The following RGS12 variants were observed in gnomAD, a reference collection of about 807,000 sequenced individuals.
RGS12 encodes the protein regulator of G protein signaling 12.
In RGS12, 66 loss-of-function variants were observed where a neutral mutation model predicts 120.1. The ratio of observed to expected loss-of-function variants is 0.55; its 90% confidence interval spans 0.45 to 0.67. RGS12 has a LOEUF of 0.67. Ranked by LOEUF, RGS12 falls within the 30% of genes least tolerant of loss-of-function variation. The pLI is 0.00. For synonymous variants in RGS12, 827 were observed against 804.7 expected (o/e 1.03, Z -0.47); for missense variants, 1,859 against 1,957.7 (o/e 0.95, Z 0.95).
At position 3,390,783 on chromosome 4, in the gene RGS12, C is replaced by G. The variant is rs1007170345; in HGVS notation, c.2020+4346C>G. On this transcript the variant is annotated intron_variant, in intron 4 of 17. Coordinates refer to ENST00000336727, the MANE Select transcript of RGS12 (RefSeq NM_001394154.1). This position sits in a 1 kb window ranked among gnomAD's most constrained non-coding sequence, Gnocchi z 4.6. ...CCTTGTTAGCGAACAGGCACTGAGG[C>G]CTGGGGAGCTGTCACAAACGGCTGC... 2.0e-4 allele frequency among the ~76,000 whole-genome samples: 31 copies of G among 152,192 alleles called. No individual in the cohort carries two copies. Among genetic ancestry groups the G allele is most frequent in the Non-Finnish European group, 2.9e-4 (20 of 68,038 alleles).
At chr4:3,307,071 T>C (rs1724013065) in intron 1 of RGS12, among the ~76,000 whole-genome samples, 1 of 152,242 alleles carries the variant, frequency 6.6e-6, no homozygotes, top group Admixed American at 6.5e-5. Flanking sequence ...TTGTTGTTGA[T>C]GGATGTGGGG....
intron 4 of RGS12, among the ~76,000 whole-genome samples, chr4:3,397,260 C>G (rs955517246): frequency 2.0e-5 from 3 of 152,122 alleles, no homozygotes; most frequent in African/African-American, 7.2e-5. Flanking sequence ...CTCTGGGTGC[C>G]GAGGTGGGCT....
In RGS12 at chr4:3,316,323, C is replaced by T; in HGVS notation, c.153C>T (p.Ser51=). 7 of 1,614,160 alleles carry T rather than the reference C, an allele frequency of 4.3e-6. No homozygotes were observed. Among genetic ancestry groups the T allele is most frequent in the Non-Finnish European group, 5.9e-6 (7 of 1,180,032 alleles). Residue 51 remains serine (S), a synonymous_variant, in exon 2 of 18, where the codon AGC becomes AGT. Transcript: ENST00000336727. ...TGCTCAGCTGCGTCATGAGAGGGAG[C>T]CCTGCGGATTTCGTGGGCCTCCGAG... The part of the protein sequence containing the change: ...PCVLSCVMRG[S]PADFVGLRAG...
intron 4 of RGS12, among the ~76,000 whole-genome samples, chr4:3,396,914 G>A (rs6839180): frequency 6.8e-6 from 1 of 146,044 alleles, no homozygotes; most frequent in Admixed American, 6.9e-5. Context: ...GACAATTGGG[G>A]TTTTTTTTTT....
chr4:3,370,520 A>G (rs1169150854), intron 3 of RGS12, among the ~76,000 whole-genome samples: 4 of 152,236 alleles, frequency 2.6e-5, no homozygotes, highest in Non-Finnish European at 4.4e-5. Flanking sequence ...GGACCGCAGC[A>G]CGTCCCGGGC....
chr4:3,435,697 G>A (rs1295806177), intron 17 of RGS12, among the ~76,000 whole-genome samples: 1 of 152,034 alleles, frequency 6.6e-6, no homozygotes, highest in Non-Finnish European at 1.5e-5. Flanking sequence ...GTTGTGACAC[G>A]TGGTCCTCCC....
chr4:3,355,111 T>G (rs1044408259), intron 3 of RGS12, among the ~76,000 whole-genome samples: 12 of 152,196 alleles, frequency 7.9e-5, no homozygotes, highest in Non-Finnish European at 1.6e-4. Context: ...TACACATTTG[T>G]TTCAAGGACA....
At chr4:3,380,469 C>CT (rs1467827506) in intron 3 of RGS12, among the ~76,000 whole-genome samples, 2 of 152,224 alleles carry the variant, frequency 1.3e-5, no homozygotes, top group East Asian at 1.9e-4. Flanking sequence ...TGTGGGGACT[C>CT]TAACCCCACA....
intron 4 of RGS12, among the ~76,000 whole-genome samples, chr4:3,403,674 G>A (rs990427532): frequency 6.6e-6 from 1 of 152,192 alleles, no homozygotes; most frequent in African/African-American, 2.4e-5. Context: ...GAGCTGGGCC[G>A]GCCTCCGCAG....
intron 3 of RGS12, among the ~76,000 whole-genome samples, chr4:3,376,343 T>G (rs1717692465): frequency 6.6e-6 from 1 of 151,194 alleles, no homozygotes; most frequent in Admixed American, 6.6e-5. Context: ...TGTGCTGCCC[T>G]CCCCGCAGAC....
At chr4:3,351,516 T>A (rs1481050632) in intron 3 of RGS12, among the ~76,000 whole-genome samples, 1 of 152,188 alleles carries the variant, frequency 6.6e-6, no homozygotes, top group Non-Finnish European at 1.5e-5. Flanking sequence ...TGCCATAGAT[T>A]TGGCATAATT....
chr4:3,367,918 T>C (rs7435601), intron 3 of RGS12, among the ~76,000 whole-genome samples: 105,858 of 152,246 alleles, frequency 0.7, 38,221 homozygotes, highest in African/African-American at 0.89. Context: ...TTTGTGGGCT[T>C]TGCGAATAAA....
At chr4:3,414,698 GA>G (rs1361017765) in intron 5 of RGS12, 53 bp from the exon 6 acceptor site, 1 of 1,313,116 alleles carries the variant, frequency 7.6e-7, no homozygotes. Flanking sequence ...GGGGAAGTAG[GA>G]AAAAGGAGGA....
intron 14 of RGS12, among the ~76,000 whole-genome samples, chr4:3,427,258 C>T (rs898710647): frequency 2.6e-5 from 4 of 152,310 alleles, no homozygotes; most frequent in Admixed American, 6.5e-5. Flanking sequence ...TGCTGGGCCT[C>T]GGGGCTTGTT....
chr4:3,395,417 G>A (rs563312482), intron 4 of RGS12, among the ~76,000 whole-genome samples: 18 of 152,276 alleles, frequency 1.2e-4, no homozygotes, highest in African/African-American at 4.1e-4. Context: ...CGTTACAGAT[G>A]GTGCCATATA....
intron 14 of RGS12, among the ~76,000 whole-genome samples, chr4:3,427,158 C>A (rs932382048): frequency 6.6e-6 from 1 of 152,210 alleles, no homozygotes; most frequent in Non-Finnish European, 1.5e-5. Flanking sequence ...GGCCCTGACA[C>A]CCACCCAGGC....
chr4:3,311,224 G>C (rs1432997748), intron 1 of RGS12, among the ~76,000 whole-genome samples: 1 of 152,202 alleles, frequency 6.6e-6, no homozygotes, highest in Non-Finnish European at 1.5e-5. Flanking sequence ...GGGCAGTGCG[G>C]ACGGGTGCTG....
chr4:3,415,652 T>C (rs1289771538), intron 6 of RGS12, among the ~76,000 whole-genome samples: 1 of 152,198 alleles, frequency 6.6e-6, no homozygotes, highest in Non-Finnish European at 1.5e-5. Context: ...CTCGCAATGC[T>C]CAGAGGGCGC....
chr4:3,288,877 G>A (rs1166366446), upstream of RGS12, among the ~76,000 whole-genome samples: 11 of 152,142 alleles, frequency 7.2e-5, no homozygotes, highest in African/African-American at 7.2e-5. This position sits in a 1 kb window ranked among gnomAD's most constrained non-coding sequence, Gnocchi z 5.2. Flanking sequence ...TATGGACGCC[G>A]TCAACCCTGA....
Sources: gnomAD v4.1 joint callset for allele counts (sites outside exome capture counted in the v4.1 genomes callset) on GRCh38, gnomAD v4.1.1 for gene constraint, Gnocchi (gnomAD v3.1) non-coding constraint, MANE v1.5 for transcripts, NCBI Gene and HGNC (gene_info 2026-07-23, HGNC 2026-07-21) for gene names.